The following DCAF10 variants were observed in gnomAD, a reference collection of about 807,000 sequenced individuals.
DCAF10 encodes DDB1- and CUL4-associated factor 10.
A neutral mutation model predicts 51.9 loss-of-function variants in DCAF10; 19 were observed. That is an observed-to-expected ratio of 0.37 (90% confidence interval 0.26 to 0.54). The LOEUF (loss-of-function observed/expected upper bound fraction) is 0.54, where lower values mean the gene tolerates loss of function less well. Among genes scored for constraint, DCAF10 ranks in the 20% least tolerant of loss-of-function variants. The probability of loss-of-function intolerance (pLI) is 0.87; values close to 1 mark genes in which losing one functional copy is unlikely to be tolerated. For missense variants in DCAF10, 510 were observed against 730.6 expected (o/e 0.70, Z 3.48); for synonymous variants, 291 against 297.1 (o/e 0.98, Z 0.21).
chr9:37,801,481 GCT>G lies in DCAF10; in HGVS notation c.539+78_539+79del. The stretch of plus-strand genomic sequence containing the variant: ...GCCAGCGGACGGCCGTCCTGGGCTC[GCT>G]CCCCGCGCCCGGGCCGAGGTTAGCG... On this transcript the variant is annotated intron_variant, in intron 1 of 6. Coordinates refer to ENST00000377724, the MANE Select transcript of DCAF10 (RefSeq NM_024345.5). This position sits in a 1 kb window ranked among gnomAD's most constrained non-coding sequence, Gnocchi z 5.5. 1 of 1,340,354 alleles carries G rather than the reference GCT, an allele frequency of 7.5e-7. No homozygotes were observed. The highest frequency in any genetic ancestry group is 9.6e-7 in the Non-Finnish European group (1 of 1,045,070). The allele number at this position is 1,340,354 out of a possible 1,614,324, so 83.0% of individuals were successfully genotyped here. A position where few individuals can be genotyped will look rare whatever the true frequency, so the allele number is the denominator to read the frequency against.
chr9:37,822,734 T>C (rs28431408), intron 2 of DCAF10, among the ~76,000 whole-genome samples: 29,144 of 151,892 alleles, frequency 0.19, 3,198 homozygotes, highest in African/African-American at 0.29. Context: ...TCTCACAAAT[T>C]CCCACTAAAG....
chr9:37,861,033 A>G lies in DCAF10; in HGVS notation c.1312-107A>G. ...AGCATTATTCTGAGTGATTTCTTGT[A>G]AAAATTCTGTGGCTTTGGCAATCTG... On this transcript the variant is annotated intron_variant, in intron 6 of 6. Transcript: ENST00000377724. The surrounding 1 kb of genome is among the most constrained non-coding windows in gnomAD (Gnocchi z 4.9). The G allele has an allele frequency of 6.9e-7, 1 of 1,444,460 alleles. No homozygotes were observed. Among genetic ancestry groups the G allele is most frequent in the East Asian group, 2.3e-5 (1 of 43,550 alleles). The allele number at this position is 1,444,460 out of a possible 1,614,324, so 89.5% of individuals were successfully genotyped here. A position where few individuals can be genotyped will look rare whatever the true frequency, so the allele number is the denominator to read the frequency against.
intron 3 of DCAF10, among the ~76,000 whole-genome samples, chr9:37,853,713 C>T (rs1830762423): frequency 6.6e-6 from 1 of 151,988 alleles, no homozygotes; most frequent in Non-Finnish European, 1.5e-5. Flanking sequence ...CTCAAACCAT[C>T]CTCGCACCTC....
chr9:37,801,003 A>G lies in DCAF10; in HGVS notation c.137A>G (p.His46Arg). ...SPLHPGADAT[H>R]PPPPARSPRR... Reference sequence around the variant, plus strand: ...CTACATCCCGGGGCTGATGCGACCCATCCCCCTCCACCCGCCCGAAGCCCT... The same window carrying G: ...CTACATCCCGGGGCTGATGCGACCCGTCCCCCTCCACCCGCCCGAAGCCCT... The change falls in exon 1 of 7, where the codon CAT becomes CGT. Residue 46 changes from histidine to arginine, a missense_variant. Physicochemically the swap from His to Arg is conservative, Grantham distance 29. Around this residue, in one of 4 missense-constraint regions of DCAF10, gnomAD observed 251 missense variants for 227.9 expected, o/e 1.10. Transcript: ENST00000377724. This position sits in a 1 kb window ranked among gnomAD's most constrained non-coding sequence, Gnocchi z 5.5. 6.5e-7 allele frequency: 1 copy of G among 1,535,386 alleles called. No individual in the cohort carries two copies. Among genetic ancestry groups the G allele is most frequent in the Non-Finnish European group, 8.7e-7 (1 of 1,151,124 alleles).
Position 37,814,080 on chromosome 9 carries a change from CTATATATATATATA to C in DCAF10, c.540-5174_540-5161del, listed in dbSNP as rs58660288. Among the ~76,000 whole-genome samples the C allele has an allele frequency of 9.6e-3, 452 of 47,106 alleles. 19 individuals carry two copies. The East Asian group carries it at 0.14, about 15-fold the overall frequency. 30.9% of individuals were successfully genotyped at this position (47,106 alleles called of 152,430 possible). On this transcript the variant is annotated intron_variant, in intron 1 of 6. Coordinates refer to ENST00000377724, the MANE Select transcript of DCAF10 (RefSeq NM_024345.5). ...TGAACCACTTTGAAACTATTTGTCA[CTATATATATATATA>C]TATATATATATATATATATATATAT...
intron 2 of DCAF10, among the ~76,000 whole-genome samples, chr9:37,841,191 C>T (rs1301851525): frequency 2.0e-5 from 3 of 152,092 alleles, no homozygotes; most frequent in Admixed American, 6.6e-5. Flanking sequence ...CAGAAACAAC[C>T]TGTGTAAACG....
At chr9:37,825,872 C>CA (rs1055355860) in intron 2 of DCAF10, among the ~76,000 whole-genome samples, 7 of 150,774 alleles carry the variant, frequency 4.6e-5, no homozygotes, top group African/African-American at 9.7e-5. Context: ...TACAAAAAAA[C>CA]AAAAAAACAA....
intron 3 of DCAF10, among the ~76,000 whole-genome samples, chr9:37,853,845 A>G (rs1184478446): frequency 6.6e-6 from 1 of 152,032 alleles, no homozygotes; most frequent in Non-Finnish European, 1.5e-5. Flanking sequence ...TTGGGATTAC[A>G]GGTGTGAGCC....
intron 1 of DCAF10, among the ~76,000 whole-genome samples, chr9:37,817,731 T>C (rs1235066417): frequency 1.3e-5 from 2 of 150,096 alleles, no homozygotes; most frequent in African/African-American, 2.5e-5. Context: ...TGTGATCCCA[T>C]CTCCACCAAA....
chr9:37,853,747 T>C (rs1295795460), intron 3 of DCAF10, among the ~76,000 whole-genome samples: 1 of 152,086 alleles, frequency 6.6e-6, no homozygotes, highest in African/African-American at 2.4e-5. Context: ...CTTTTTATTT[T>C]TTGTAGAGAC....
intron 2 of DCAF10, among the ~76,000 whole-genome samples, chr9:37,833,990 A>G (rs1220847646): frequency 6.6e-6 from 1 of 152,112 alleles, no homozygotes; most frequent in East Asian, 1.9e-4. Context: ...CCTAGGCTGG[A>G]GTGCAGTGGT....
chr9:37,813,378 G>A (rs932537267), intron 1 of DCAF10, among the ~76,000 whole-genome samples: 1 of 152,220 alleles, frequency 6.6e-6, no homozygotes, highest in African/African-American at 2.4e-5. Context: ...TTACAGGCAT[G>A]GGCCAATGTG....
Position 37,801,262 on chromosome 9 carries a change from G to C in DCAF10, c.396G>C (p.Leu132=). ...TCGGGTGGCTGAAAGAGCGCAGCCT[G>C]GGCCGCGGGCTGTTCGTGGACCCGG... ...RLFGWLKERS[L]GRGLFVDPAR... Residue 132 remains leucine (L), a synonymous_variant, in exon 1 of 7, where the codon CTG becomes CTC. Coordinates refer to ENST00000377724, the MANE Select transcript of DCAF10 (RefSeq NM_024345.5). This position sits in a 1 kb window ranked among gnomAD's most constrained non-coding sequence, Gnocchi z 5.5. 1 of 1,592,216 alleles carries C rather than the reference G, an allele frequency of 6.3e-7. No individual in the cohort carries two copies. The highest frequency in any genetic ancestry group is 8.5e-7 in the Non-Finnish European group (1 of 1,172,170).
intron 1 of DCAF10, 103 bp from the exon 2 acceptor site, chr9:37,819,185 A>C (rs1454258162): frequency 2.3e-6 from 2 of 877,600 alleles, no homozygotes; most frequent in African/African-American, 1.7e-5. Context: ...GGGCAAAAAA[A>C]AAAAGTTATT....
intron 1 of DCAF10, among the ~76,000 whole-genome samples, chr9:37,804,324 G>A (rs1829045861): frequency 6.6e-6 from 1 of 151,598 alleles, no homozygotes; most frequent in East Asian, 2.0e-4. Flanking sequence ...ATCATATGGT[G>A]TAAGGGGGAC....
intron 1 of DCAF10, among the ~76,000 whole-genome samples, chr9:37,808,589 A>G (rs1388002241): frequency 9.0e-6 from 1 of 111,216 alleles, no homozygotes; most frequent in Non-Finnish European, 1.7e-5. Context: ...TATAAAATAT[A>G]TTTATATAAT....
At chr9:37,847,533 G>A (rs1830515331) in intron 3 of DCAF10, among the ~76,000 whole-genome samples, 1 of 152,072 alleles carries the variant, frequency 6.6e-6, no homozygotes, top group Non-Finnish European at 1.5e-5. Context: ...GCATAAAAGG[G>A]AATGTATTCA....
intron 2 of DCAF10, among the ~76,000 whole-genome samples, chr9:37,840,037 T>G (rs1329162819): frequency 6.6e-6 from 1 of 152,092 alleles, no homozygotes; most frequent in Admixed American, 6.6e-5. Flanking sequence ...CCAGAATGCT[T>G]TGGGAGCTCA....
In DCAF10 at chr9:37,853,284, G is replaced by A. The variant is rs12352415; in HGVS notation, c.852-1496G>A. 5.1e-3 allele frequency among the ~76,000 whole-genome samples: 765 copies of A among 149,914 alleles called. 13 individuals are homozygous for A. Among genetic ancestry groups the A allele is most frequent in the African/African-American group, 0.017 (695 of 40,790 alleles). ...ATCCCAGGCATGGGTGTGGTGGTGC[G>A]TGCCTGTAATCCCAGCTACTTGGGA... On this transcript the variant is annotated intron_variant, in intron 3 of 6. Coordinates refer to ENST00000377724, the MANE Select transcript of DCAF10 (RefSeq NM_024345.5).
Sources: allele counts gnomAD v4.1 joint callset (sites outside exome capture counted in the v4.1 genomes callset), GRCh38; gene constraint gnomAD v4.1.1; regional missense constraint gnomAD v4.1.1; non-coding constraint Gnocchi (gnomAD v3.1); transcripts MANE v1.5; gene names NCBI Gene and HGNC (gene_info 2026-07-23, HGNC 2026-07-21).